Variants in TPST2 observed in about 807,000 individuals in gnomAD.
The protein encoded by TPST2 is tyrosylprotein sulfotransferase 2.
TPST2 carries 16 observed loss-of-function variants against 27.8 expected under a neutral mutation model. The ratio of observed to expected loss-of-function variants is 0.58; its 90% CI spans 0.39 to 0.88. TPST2 has a LOEUF of 0.88. Ranked by LOEUF, TPST2 falls within the 40% of genes least tolerant of loss-of-function variation. The pLI is 0.00. For synonymous variants in TPST2, 229 were observed against 231.7 expected, an observed-to-expected ratio of 0.99 and a Z score of 0.10; for missense variants, 464 against 543.1, an observed-to-expected ratio of 0.85 and a Z score of 1.45.
intron 1 of TPST2, among the ~76,000 whole-genome samples, chr22:26,551,883 CTTTTTTTTTTT>C (rs1163793644): frequency 6.0e-5 from 4 of 66,438 alleles, no homozygotes; most frequent in African/African-American, 2.7e-4. Flanking sequence ...TTTTCTTTTT[CTTTTTTTTTTT>C]TTTTTTTTTT....
intron 1 of TPST2, among the ~76,000 whole-genome samples, chr22:26,581,078 T>G (rs909797167): frequency 6.6e-6 from 1 of 151,112 alleles, no homozygotes; most frequent in Non-Finnish European, 1.5e-5. Context: ...ACTATAGTCT[T>G]TGTGCCCTGA....
intron 2 of TPST2, 112 bp downstream of exon 2, chr22:26,544,492 G>A: frequency 2.2e-6 from 1 of 453,036 alleles, no homozygotes; most frequent in Admixed American, 6.4e-5. Context: ...ACCAGCCAGG[G>A]GAGTTTGCCC....
chr22:26,569,531 C>T lies in TPST2; in HGVS notation c.-161+20522G>A, dbSNP rs187547060. Among the ~76,000 whole-genome samples, 26 of 152,302 alleles carry T rather than the reference C, an allele frequency of 1.7e-4. No individual in the cohort carries two copies. In the East Asian group the frequency reaches 4.8e-3, roughly 28 times the overall value. On this transcript the variant is annotated intron_variant, in intron 1 of 6. Coordinates refer to ENST00000338754, the MANE Select transcript of TPST2 (RefSeq NM_003595.5). ...CTTTCAGCAAGCTTGGTGGCTCACA[C>T]CAACACTTTGGGAGGCTGAGGCAAG... is the stretch of plus-strand genomic sequence containing the variant.
At chr22:26,530,363 T>C (rs1015785049) in intron 5 of TPST2, among the ~76,000 whole-genome samples, 1 of 152,210 alleles carries the variant, frequency 6.6e-6, no homozygotes, top group Non-Finnish European at 1.5e-5. Flanking sequence ...TAGCACCATT[T>C]TGGATGGCTA....
chr22:26,584,692 C>T (rs1268401820), intron 1 of TPST2, among the ~76,000 whole-genome samples: 1 of 147,388 alleles, frequency 6.8e-6, no homozygotes, highest in Non-Finnish European at 1.5e-5. Context: ...AAACCCAAAA[C>T]AAAAAAAAAA....
chr22:26,549,805 T>G (rs1602271998), intron 1 of TPST2, among the ~76,000 whole-genome samples: 2 of 135,652 alleles, frequency 1.5e-5, no homozygotes, highest in Non-Finnish European at 3.1e-5. Flanking sequence ...CCGAGGCAGG[T>G]GGATCACGAA....
At chr22:26,543,017 T>G (rs1925946729) in intron 2 of TPST2, 1 of 152,270 alleles carries the variant, frequency 6.6e-6, no homozygotes, top group African/African-American at 2.4e-5. Flanking sequence ...GCTAAGAGGC[T>G]AGGACTTCCT....
At chr22:26,547,118 C>G (rs1329689392) in intron 1 of TPST2, among the ~76,000 whole-genome samples, 2 of 152,084 alleles carry the variant, frequency 1.3e-5, no homozygotes, top group African/African-American at 4.8e-5. Flanking sequence ...TGGGGTCTCA[C>G]TCTGTCCAGC....
Position 26,536,475 on chromosome 22 carries a change from G to A in TPST2, c.854C>T (p.Ser285Phe), listed in dbSNP as rs142839068. Residue 285 changes from serine to phenylalanine, a missense_variant, in exon 4 of 7, where the codon TCC becomes TTC. Ser to Phe is a radical substitution (Grantham distance 155, BLOSUM62 -2). Transcript: ENST00000338754. ...GGVSLSKIER[S>F]TDQVIKPVNL... ...AACAGGCTTGATGACCTGGTCCGTGGACCGCTCGATCCTGGGGAGAGAGGA... is the reference window on the plus strand; with the variant it reads ...AACAGGCTTGATGACCTGGTCCGTGAACCGCTCGATCCTGGGGAGAGAGGA... 60 of 1,536,156 alleles carry A rather than the reference G, an allele frequency of 3.9e-5. No individual in the cohort carries two copies. Among genetic ancestry groups the A allele is most frequent in the African/African-American group, 4.1e-5 (3 of 72,546 alleles).
intron 1 of TPST2, among the ~76,000 whole-genome samples, chr22:26,563,709 CAT>C (rs1369302896): frequency 6.6e-6 from 1 of 152,160 alleles, no homozygotes; most frequent in Non-Finnish European, 1.5e-5. Flanking sequence ...TTCTGACAGA[CAT>C]GTAAGCTGCT....
intron 5 of TPST2, among the ~76,000 whole-genome samples, chr22:26,531,237 T>A (rs768966333): frequency 6.6e-6 from 1 of 151,370 alleles, no homozygotes; most frequent in Admixed American, 6.6e-5. Context: ...ACTGTGCACA[T>A]AATGTCATTC....
chr22:26,560,899 T>C, intron 1 of TPST2: 2 of 1,603,292 alleles, frequency 1.2e-6, no homozygotes, highest in African/African-American at 1.3e-5. Flanking sequence ...ATTGGTGATG[T>C]TGCGAAGAAA....
chr22:26,570,029 A>AAGAAAGAC (rs1927559923), intron 1 of TPST2, among the ~76,000 whole-genome samples: 3 of 126,736 alleles, frequency 2.4e-5, no homozygotes, highest in African/African-American at 1.0e-4. Flanking sequence ...GAAAGAAAGA[A>AAGAAAGAC]AGAAAGAAAG....
At chr22:26,539,893 T>C (rs2147186689) in intron 3 of TPST2, among the ~76,000 whole-genome samples, 1 of 152,374 alleles carries the variant, frequency 6.6e-6, no homozygotes, top group Admixed American at 6.5e-5. Flanking sequence ...TTCAGTTTTT[T>C]GGTCTATAAA....
chr22:26,536,496 G>A lies in TPST2; in HGVS notation c.843-10C>T, dbSNP rs200254233. On this transcript the variant is annotated splice_polypyrimidine_tract_variant and intron_variant, in intron 3 of 6. Coordinates refer to ENST00000338754, the MANE Select transcript of TPST2 (RefSeq NM_003595.5). The stretch of plus-strand genomic sequence containing the variant: ...CGTGGACCGCTCGATCCTGGGGAGA[G>A]AGGAGACGCTGGAGAGGGTAGGGCA... 6.0e-6 allele frequency: 9 copies of A among 1,511,554 alleles called. No individual in the cohort carries two copies. The East Asian group carries it at 6.8e-5, about 11-fold the overall frequency. The allele number at this position is 1,511,554 out of a possible 1,614,324, so 93.6% of individuals were successfully genotyped here.
chr22:26,555,323 C>T (rs774912752), intron 1 of TPST2: 17 of 511,286 alleles, frequency 3.3e-5, no homozygotes, highest in African/African-American at 3.3e-4. Flanking sequence ...ACTGGCTGCC[C>T]ACCTGGGCCA....
chr22:26,581,389 A>G (rs190735413), intron 1 of TPST2, among the ~76,000 whole-genome samples: 76 of 152,274 alleles, frequency 5.0e-4, no homozygotes, highest in African/African-American at 1.7e-3. Context: ...ATGGTCCCCA[A>G]ACTTCCAGCA....
At chr22:26,568,173 T>C (rs1019468472) in intron 1 of TPST2, among the ~76,000 whole-genome samples, 5 of 152,188 alleles carry the variant, frequency 3.3e-5, no homozygotes, top group African/African-American at 4.8e-5. Flanking sequence ...CCATTGGCAA[T>C]AGAATGGATA....
At chr22:26,572,979 G>A (rs901616847) in intron 1 of TPST2, among the ~76,000 whole-genome samples, 1 of 152,124 alleles carries the variant, frequency 6.6e-6, no homozygotes, top group South Asian at 2.1e-4. Flanking sequence ...GTGACCTCAG[G>A]TAAATCACTT....
Sources: gnomAD v4.1 joint callset for allele counts (sites outside exome capture counted in the v4.1 genomes callset) on GRCh38, gnomAD v4.1.1 for gene constraint, MANE v1.5 for transcripts, NCBI Gene and HGNC (gene_info 2026-07-23, HGNC 2026-07-21) for gene names.